PACS2: variants seen among roughly 807,000 people sequenced by gnomAD.
The protein encoded by PACS2 is phosphofurin acidic cluster sorting protein 2.
PACS2 carries 36 observed loss-of-function variants against 113.0 expected under a neutral mutation model. That is an observed-to-expected ratio of 0.32 (90% CI 0.24 to 0.42). The LOEUF (loss-of-function observed/expected upper bound fraction) is 0.42. Ranked by LOEUF, PACS2 falls within the 10% of genes least tolerant of loss-of-function variation. The pLI is 1.00. For missense variants in PACS2, 1,015 were observed against 1,239.5 expected (o/e 0.82, Z 2.72); for synonymous variants, 589 against 536.1 (o/e 1.10, Z -1.36).
rs2061032366 is a variant in PACS2 at position 105,368,557 on chromosome 14, C to T, written c.741+18C>T. The T allele has an allele frequency of 6.3e-7, 1 of 1,595,712 alleles. No homozygotes were observed. The highest frequency in any genetic ancestry group is 1.3e-5 in the African/African-American group (1 of 74,660). On this transcript the variant is annotated intron_variant, in intron 7 of 24. Coordinates refer to ENST00000447393, the MANE Select transcript of PACS2 (RefSeq NM_001100913.3). ...TGACCAGGGTTGGTGGAGACTGCTT[C>T]TATGAATGCTGGGGAAGGCGAGGGT...
chr14:105,367,447 T>G, intron 5 of PACS2, 72 bp downstream of exon 5: 3 of 1,460,466 alleles, frequency 2.1e-6, no homozygotes, highest in Non-Finnish European at 2.9e-6. Flanking sequence ...GCACATCGGG[T>G]GGCAGAAACT....
At chr14:105,305,669 G>T (rs1206238340) in intron 1 of PACS2, among the ~76,000 whole-genome samples, 1 of 152,242 alleles carries the variant, frequency 6.6e-6, no homozygotes, top group Admixed American at 6.5e-5. Context: ...ATGGAGCCAG[G>T]TTAGAGGGAG....
intron 4 of PACS2, among the ~76,000 whole-genome samples, chr14:105,362,290 C>A (rs35726049): frequency 2.7e-5 from 4 of 150,522 alleles, no homozygotes; most frequent in Non-Finnish European, 5.9e-5. Context: ...TGGTGGCGGG[C>A]GCCTGTAGTC....
At chr14:105,333,108 C>T (rs1027700053) in intron 1 of PACS2, among the ~76,000 whole-genome samples, 4 of 147,854 alleles carry the variant, frequency 2.7e-5, no homozygotes, top group East Asian at 1.9e-4. Flanking sequence ...GAGAGAGAGA[C>T]GCATACCCAC....
chr14:105,309,680 G>A (rs587760246), upstream of PACS2, among the ~76,000 whole-genome samples: 10 of 152,338 alleles, frequency 6.6e-5, no homozygotes, highest in African/African-American at 2.4e-4. The surrounding 1 kb of genome is among the most constrained non-coding windows in gnomAD (Gnocchi z 4.0). Context: ...AACCCAGGAG[G>A]GGAGCAGCGT....
chr14:105,342,074 C>T (rs1326418276), intron 1 of PACS2, among the ~76,000 whole-genome samples: 1 of 152,230 alleles, frequency 6.6e-6, no homozygotes, highest in Non-Finnish European at 1.5e-5. Context: ...GCGTGGAAGC[C>T]TGAGTGGTGA....
chr14:105,391,642 G>A lies in PACS2; in HGVS notation c.2131G>A (p.Asp711Asn), dbSNP rs969435213. Reference protein sequence around the residue: ...PSSATSGDSDDAAPSGSGTLS... With the variant: ...PSSATSGDSDNAAPSGSGTLS... Reference sequence around the variant, plus strand: ...ACTCCTCCCCAAAGGCGACTCGGACGACGCGGCCCCCTCGGGCTCTGGCAC... The same window carrying A: ...ACTCCTCCCCAAAGGCGACTCGGACAACGCGGCCCCCTCGGGCTCTGGCAC... Residue 711 changes from aspartate (D) to asparagine (N), a missense_variant, in exon 22 of 25, where the codon GAC becomes AAC. This residue lies in a region of PACS2 where 859 missense variants were observed against 1,056.8 expected (regional missense o/e 0.81). Coordinates refer to ENST00000447393, the MANE Select transcript of PACS2 (RefSeq NM_001100913.3). The A allele has an allele frequency of 8.1e-6, 13 of 1,609,752 alleles. No individual in the cohort carries two copies. The highest frequency in any genetic ancestry group is 3.3e-5 in the South Asian group (3 of 90,826).
At chr14:105,314,079 A>T (rs1305983231), upstream of PACS2, among the ~76,000 whole-genome samples, 3 of 152,250 alleles carry the variant, frequency 2.0e-5, no homozygotes, top group Non-Finnish European at 2.9e-5. Flanking sequence ...CTGGAGGCTA[A>T]GCTCGGCAGC....
chr14:105,330,582 C>T lies in PACS2; in HGVS notation c.119+15545C>T, dbSNP rs587618359. ...TGGCCGCTCTCTGGACCCCCGGTCC[C>T]AGGGTGGCAGCTAGTGCAGCCTAGG... On this transcript the variant is annotated intron_variant, in intron 1 of 24. Coordinates refer to ENST00000447393, the MANE Select transcript of PACS2 (RefSeq NM_001100913.3). The surrounding 1 kb of genome is among the most constrained non-coding windows in gnomAD (Gnocchi z 6.9). 6.6e-6 allele frequency among the ~76,000 whole-genome samples: 1 copy of T among 152,342 alleles called. No homozygotes were observed. The highest frequency in any genetic ancestry group is 1.9e-4 in the East Asian group (1 of 5,186).
chr14:105,308,018 TA>T (rs1326162945), intron 1 of PACS2, among the ~76,000 whole-genome samples: 2 of 150,314 alleles, frequency 1.3e-5, no homozygotes, highest in African/African-American at 4.9e-5. Flanking sequence ...TCCCTGTCTC[TA>T]CAAAAAATTT....
chr14:105,308,039 C>T (rs1566885446), intron 1 of PACS2, among the ~76,000 whole-genome samples: 1 of 151,822 alleles, frequency 6.6e-6, no homozygotes, highest in Non-Finnish European at 1.5e-5. Context: ...TAAAAATTAG[C>T]TGTGCGTGGT....
rs1328930814 is a variant in PACS2, at chr14:105,328,120, TA to T, written c.119+13084del. Among the ~76,000 whole-genome samples the T allele has an allele frequency of 2.0e-5, 3 of 152,230 alleles. No homozygotes were observed. The South Asian group carries it at 6.2e-4, about 31-fold the overall frequency. On this transcript the variant is annotated intron_variant, in intron 1 of 24. Coordinates refer to ENST00000447393, the MANE Select transcript of PACS2 (RefSeq NM_001100913.3). ...CCCTGGGAAAATTTCCAGCACTGAT[TA>T]GGGGGTGACTCTTGGTCAGAGGTTG...
chr14:105,393,650 T>A (rs1265747403), intron 24 of PACS2: 1 of 262,184 alleles, frequency 3.8e-6, no homozygotes, highest in African/African-American at 2.3e-5. Flanking sequence ...AGTGCAATGG[T>A]GTGATCTCAG....
At position 105,366,603 on chromosome 14, in the gene PACS2, G is replaced by GC. The variant is rs1555407979; in HGVS notation, c.424-610_424-609insC. Among the ~76,000 whole-genome samples the GC allele has an allele frequency of 6.6e-6, 1 of 152,196 alleles. No homozygotes were observed. Among genetic ancestry groups the GC allele is most frequent in the Admixed American group, 6.5e-5 (1 of 15,276 alleles). The stretch of plus-strand genomic sequence containing the variant: ...TGAGTGCCTCACAACAGAGGAGCTG[G>GC]ACCTGGCCTGTGAGCCAGGCCTGGT... On this transcript the variant is annotated intron_variant, in intron 4 of 24. Transcript: ENST00000447393. The surrounding 1 kb of genome is among the most constrained non-coding windows in gnomAD (Gnocchi z 4.3).
At chr14:105,343,559 T>C (rs2059812606) in intron 1 of PACS2, among the ~76,000 whole-genome samples, 1 of 152,234 alleles carries the variant, frequency 6.6e-6, no homozygotes, top group African/African-American at 2.4e-5. Context: ...TTTTAAGCCA[T>C]TCTAATAGGT....
chr14:105,330,162 G>T lies in PACS2; in HGVS notation c.119+15125G>T, dbSNP rs1361042981. Among the ~76,000 whole-genome samples the T allele has an allele frequency of 6.8e-6, 1 of 146,036 alleles. No individual in the cohort carries two copies. Among genetic ancestry groups the T allele is most frequent in the African/African-American group, 2.6e-5 (1 of 39,164 alleles). On this transcript the variant is annotated intron_variant, in intron 1 of 24. Transcript: ENST00000447393. This position sits in a 1 kb window ranked among gnomAD's most constrained non-coding sequence, Gnocchi z 6.9. ...GACAGGGAGCCTCCGAGAAGCCTGG[G>T]GTCCGTGTGTGGGACGGAACGGGGA...
At chr14:105,375,957 C>T (rs2061339410) in intron 8 of PACS2, among the ~76,000 whole-genome samples, 2 of 152,194 alleles carry the variant, frequency 1.3e-5, no homozygotes, top group South Asian at 4.1e-4. Flanking sequence ...ACTCACAGTT[C>T]AGCATGGCTG....
In PACS2 at chr14:105,317,811, G is replaced by A. The variant is rs755595793; in HGVS notation, c.119+2774G>A. Among the ~76,000 whole-genome samples, 10 of 152,112 alleles carry A rather than the reference G, an allele frequency of 6.6e-5. No homozygotes were observed. The highest frequency in any genetic ancestry group is 1.2e-4 in the Non-Finnish European group (8 of 68,024). On this transcript the variant is annotated intron_variant, in intron 1 of 24. Transcript: ENST00000447393. The surrounding 1 kb of genome is among the most constrained non-coding windows in gnomAD (Gnocchi z 4.2). The stretch of plus-strand genomic sequence containing the variant: ...TTTGCCAGGCTGGGGTGCTGGTCTC[G>A]TTTCGGTTCTCCTTCTGGGAGGCAG...
chr14:105,330,722 G>A lies in PACS2; in HGVS notation c.119+15685G>A, dbSNP rs1168708896. On this transcript the variant is annotated intron_variant, in intron 1 of 24. Coordinates refer to ENST00000447393, the MANE Select transcript of PACS2 (RefSeq NM_001100913.3). The surrounding 1 kb of genome is among the most constrained non-coding windows in gnomAD (Gnocchi z 6.9). ...ATTTCCTGTCTTTTCTCAGGCAATC[G>A]CCATGGTACCCAGGGCTGGCCTTGT... is the stretch of plus-strand genomic sequence containing the variant. 2.0e-5 allele frequency among the ~76,000 whole-genome samples: 3 copies of A among 152,224 alleles called. No individual in the cohort carries two copies. The highest frequency in any genetic ancestry group is 4.8e-5 in the African/African-American group (2 of 41,462).
Sources: allele counts gnomAD v4.1 joint callset (sites outside exome capture counted in the v4.1 genomes callset), GRCh38; gene constraint gnomAD v4.1.1; regional missense constraint gnomAD v4.1.1; non-coding constraint Gnocchi (gnomAD v3.1); transcripts MANE v1.5; gene names NCBI Gene and HGNC (gene_info 2026-07-23, HGNC 2026-07-21).